The following PDE8B variants were observed in gnomAD, a reference collection of about 807,000 sequenced individuals.
PDE8B encodes the protein phosphodiesterase 8B, also known as high affinity cAMP-specific and IBMX-insensitive 3',5'-cyclic phosphodiesterase 8B.
A neutral mutation model predicts 101.3 loss-of-function variants in PDE8B; 26 were observed. That is an observed-to-expected ratio of 0.26 (90% CI 0.19 to 0.36). The LOEUF is 0.36. Ranked by LOEUF, PDE8B falls within the 10% of genes least tolerant of loss-of-function variation. The pLI, the probability that PDE8B is intolerant of heterozygous loss-of-function variation, is 1.00. For synonymous variants in PDE8B, 424 were observed against 429.3 expected (o/e 0.99, Z 0.15); for missense variants, 810 against 1,163.1 (o/e 0.70, Z 4.42).
At chr5:77,259,922 G>C (rs1484222126) in intron 1 of PDE8B, among the ~76,000 whole-genome samples, 1 of 152,194 alleles carries the variant, frequency 6.6e-6, no homozygotes, top group African/African-American at 2.4e-5. Context: ...AGCAGTTTGG[G>C]AGGCCGAGGT....
the PDE8B span, among the ~76,000 whole-genome samples, chr5:77,119,917 G>A: frequency 6.6e-6 from 1 of 152,046 alleles, no homozygotes; most frequent in East Asian, 1.9e-4. Context: ...GGCTGAGGTG[G>A]GAGGATCACT....
the PDE8B span, among the ~76,000 whole-genome samples, chr5:77,176,133 A>G: frequency 6.6e-6 from 1 of 152,202 alleles, no homozygotes; most frequent in Non-Finnish European, 1.5e-5. Context: ...GGAAGCAGGT[A>G]GATTCCACTG....
chr5:77,149,456 G>A, the PDE8B span, among the ~76,000 whole-genome samples: 3 of 152,086 alleles, frequency 2.0e-5, no homozygotes, highest in Non-Finnish European at 4.4e-5. Context: ...TTTGAGGGGG[G>A]AATTGCCATC....
chr5:77,370,845 C>A lies in PDE8B; in HGVS notation c.1167+17439C>A, dbSNP rs980069431. Among the ~76,000 whole-genome samples, 3 of 152,150 alleles carry A rather than the reference C, an allele frequency of 2.0e-5. No homozygotes were observed. The East Asian group carries it at 5.8e-4, about 29-fold the overall frequency. ...GGTTTGCCAGTCTTTACAATTGTAG[C>A]CATTTTATTAGGTGTGCAGGTCTTA... is the stretch of plus-strand genomic sequence containing the variant. On this transcript the variant is annotated intron_variant, in intron 10 of 21. Coordinates refer to ENST00000264917, the MANE Select transcript of PDE8B (RefSeq NM_003719.5).
At chr5:77,107,723 A>G in the PDE8B span, among the ~76,000 whole-genome samples, 1 of 152,224 alleles carries the variant, frequency 6.6e-6, no homozygotes, top group Non-Finnish European at 1.5e-5. Context: ...TTCTAAACAA[A>G]GCCAATGATA....
At chr5:77,286,979 C>T (rs578255313) in intron 1 of PDE8B, among the ~76,000 whole-genome samples, 4 of 152,148 alleles carry the variant, frequency 2.6e-5, no homozygotes, top group Non-Finnish European at 4.4e-5. Context: ...CTCCGGATTC[C>T]ATGCTCCTGT....
At chr5:77,334,695 G>A (rs1777788241) in intron 5 of PDE8B, among the ~76,000 whole-genome samples, 1 of 152,126 alleles carries the variant, frequency 6.6e-6, no homozygotes. Context: ...GAGGAAACAG[G>A]CTCAAAACAA....
the PDE8B span, among the ~76,000 whole-genome samples, chr5:77,101,325 A>G: frequency 1.3e-5 from 2 of 152,012 alleles, no homozygotes; most frequent in Admixed American, 1.3e-4. Context: ...CCATTATCTG[A>G]GTATGTGTGG....
chr5:77,091,144 T>C, the PDE8B span, among the ~76,000 whole-genome samples: 1 of 152,204 alleles, frequency 6.6e-6, no homozygotes, highest in Non-Finnish European at 1.5e-5. Flanking sequence ...TGACTTGCAA[T>C]TTCTCTGCTA....
chr5:77,290,177 A>G, intron 1 of PDE8B: 1 of 1,467,392 alleles, frequency 6.8e-7, no homozygotes, highest in Non-Finnish European at 9.3e-7. Context: ...TACATTAAAA[A>G]CCATTGATGT....
chr5:77,294,485 G>A (rs539351248), intron 1 of PDE8B, among the ~76,000 whole-genome samples: 2 of 152,170 alleles, frequency 1.3e-5, no homozygotes, highest in Admixed American at 6.5e-5. Context: ...TGCCCACAAA[G>A]CAGAAGAGAA....
Position 77,210,991 on chromosome 5 carries a change from G to C in PDE8B, c.66G>C (p.Glu22Asp), listed in dbSNP as rs1748175074. ...SGVIYCRDSD[E>D]SSSPRQTTSV... ...TGATCTACTGCCGGGACTCGGACGAGTCCAGCTCGCCCCGCCAGACCACCA... is the reference window on the plus strand; with the variant it reads ...TGATCTACTGCCGGGACTCGGACGACTCCAGCTCGCCCCGCCAGACCACCA... Residue 22 changes from glutamate (E) to aspartate (D), a missense_variant, in exon 1 of 22, where the codon GAG becomes GAC. Physicochemically the swap from Glu to Asp is conservative, Grantham distance 45. Transcript: ENST00000264917. This position sits in a 1 kb window ranked among gnomAD's most constrained non-coding sequence, Gnocchi z 4.9. The C allele has an allele frequency of 6.5e-7, 1 of 1,546,264 alleles. No individual in the cohort carries two copies. The highest frequency in any genetic ancestry group is 1.8e-5 in the Admixed American group (1 of 54,458).
intron 1 of PDE8B, among the ~76,000 whole-genome samples, chr5:77,279,929 C>A (rs1764626124): frequency 6.6e-6 from 1 of 152,130 alleles, no homozygotes; most frequent in African/African-American, 2.4e-5. Flanking sequence ...TATAGGTAGT[C>A]CAGCCTAGAC....
chr5:77,378,045 CA>C (rs1411605956), intron 10 of PDE8B, among the ~76,000 whole-genome samples: 2 of 100,116 alleles, frequency 2.0e-5, no homozygotes, highest in East Asian at 4.9e-4. Flanking sequence ...CACACACACA[CA>C]CACCCCCTGT....
At chr5:77,259,066 A>ACCCCCCCCCCCCCCCCCCCCCCCCCCCCC (rs1234322626) in intron 1 of PDE8B, among the ~76,000 whole-genome samples, 1 of 64,722 alleles carries the variant, frequency 1.5e-5, no homozygotes, top group African/African-American at 6.1e-5. Context: ...ACACACACAC[A>ACCCCCCCCCCCCCCCCCCCCCCCCCCCCC]CACCCCCGCC....
chr5:77,398,680 C>T (rs913767310), intron 10 of PDE8B, among the ~76,000 whole-genome samples: 18 of 152,214 alleles, frequency 1.2e-4, no homozygotes, highest in African/African-American at 2.9e-4. Flanking sequence ...GTCATCTTAC[C>T]GCACTGGCTG....
At chr5:77,410,584 C>T (rs1169869991) in intron 14 of PDE8B, 1 of 152,188 alleles carries the variant, frequency 6.6e-6, no homozygotes, top group African/African-American at 2.4e-5. Context: ...AGTGATTCCA[C>T]CTCAATTTTA....
rs541463370 is a variant in PDE8B, at chr5:77,368,369, C to T, written c.1167+14963C>T. On this transcript the variant is annotated intron_variant, in intron 10 of 21. Coordinates refer to ENST00000264917, the MANE Select transcript of PDE8B (RefSeq NM_003719.5). ...TCCCAGCCCTTGATCCTTTACCCTT[C>T]CCGTGACTCCTGTGGAGCCTGCACT... Among the ~76,000 whole-genome samples the T allele has an allele frequency of 3.3e-4, 51 of 152,318 alleles. 1 individual carries two copies. The highest frequency in any genetic ancestry group is 3.4e-3 in the Middle Eastern group (1 of 294).
intron 3 of PDE8B, among the ~76,000 whole-genome samples, chr5:77,326,267 G>C (rs1218223942): frequency 6.6e-6 from 1 of 152,144 alleles, no homozygotes; most frequent in Non-Finnish European, 1.5e-5. Context: ...TGCACTCTGG[G>C]GAGGAAACAC....
Sources: gnomAD v4.1 joint callset for allele counts (sites outside exome capture counted in the v4.1 genomes callset) on GRCh38, gnomAD v4.1.1 for gene constraint, Gnocchi (gnomAD v3.1) non-coding constraint, MANE v1.5 for transcripts, NCBI Gene and HGNC (gene_info 2026-07-23, HGNC 2026-07-21) for gene names.